The following NRP1 variants were observed in gnomAD, a reference collection of about 807,000 sequenced individuals.
NRP1 encodes the protein neuropilin-1.
In NRP1, 35 loss-of-function variants were observed where a neutral mutation model predicts 106.7. That is an observed-to-expected ratio of 0.33 (90% CI 0.25 to 0.43). The LOEUF is 0.43. Among genes scored for constraint, NRP1 ranks in the 20% least tolerant of loss-of-function variants. NRP1 has a pLI of 1.00. For missense variants in NRP1, 1,024 were observed against 1,170.4 expected, an observed-to-expected ratio of 0.87 and a Z score of 1.83; for synonymous variants, 437 against 417.9, an observed-to-expected ratio of 1.05 and a Z score of -0.56.
At chr10:33,293,996 C>T (rs1001123239) in intron 2 of NRP1, among the ~76,000 whole-genome samples, 2 of 152,230 alleles carry the variant, frequency 1.3e-5, no homozygotes, top group Non-Finnish European at 2.9e-5. Flanking sequence ...CTAAAATACA[C>T]TCTTCATTTT....
At chr10:33,192,910 C>A (rs1178186457) in intron 12 of NRP1, among the ~76,000 whole-genome samples, 1 of 152,182 alleles carries the variant, frequency 6.6e-6, no homozygotes, top group Admixed American at 6.5e-5. Flanking sequence ...ATTTCCACCT[C>A]ACCAGTTCAT....
intron 7 of NRP1, among the ~76,000 whole-genome samples, chr10:33,223,621 T>A (rs932356839): frequency 2.6e-5 from 4 of 152,150 alleles, no homozygotes; most frequent in African/African-American, 9.7e-5. Context: ...GAGCAAGACT[T>A]GGTCTCTATT....
At chr10:33,263,131 CA>C (rs1347926813) in intron 4 of NRP1, among the ~76,000 whole-genome samples, 1 of 152,200 alleles carries the variant, frequency 6.6e-6, no homozygotes, top group African/African-American at 2.4e-5. Flanking sequence ...TAGGAATGCC[CA>C]AACATTCTCG....
At chr10:33,200,601 A>C (rs1196025855) in intron 11 of NRP1, among the ~76,000 whole-genome samples, 2 of 152,220 alleles carry the variant, frequency 1.3e-5, no homozygotes, top group Non-Finnish European at 2.9e-5. Flanking sequence ...GGTTAAAGCA[A>C]TAACGCTCTT....
At chr10:33,267,084 C>G (rs1842976317) in intron 3 of NRP1, among the ~76,000 whole-genome samples, 2 of 152,190 alleles carry the variant, frequency 1.3e-5, no homozygotes, top group Non-Finnish European at 2.9e-5. Context: ...TCCCCTCTCT[C>G]TTGCTCCTGC....
intron 2 of NRP1, among the ~76,000 whole-genome samples, chr10:33,301,621 C>T (rs189660284): frequency 7.2e-4 from 109 of 152,136 alleles, no homozygotes; most frequent in Non-Finnish European, 1.1e-3. Context: ...GGGGCCAGTG[C>T]GCGTGACTCT....
chr10:33,274,119 G>A (rs1439015002), intron 2 of NRP1, among the ~76,000 whole-genome samples: 1 of 152,056 alleles, frequency 6.6e-6, no homozygotes, highest in Non-Finnish European at 1.5e-5. Flanking sequence ...TATTGCCAAG[G>A]AACTCAAAGA....
intron 16 of NRP1, among the ~76,000 whole-genome samples, chr10:33,182,482 C>T (rs564845262): frequency 3.3e-5 from 5 of 152,226 alleles, no homozygotes; most frequent in African/African-American, 9.6e-5. Context: ...AAGCAGGACC[C>T]GTCACCGAGG....
At chr10:33,248,792 C>T (rs1404314958) in intron 6 of NRP1, among the ~76,000 whole-genome samples, 1 of 152,178 alleles carries the variant, frequency 6.6e-6, no homozygotes, top group Non-Finnish European at 1.5e-5. Flanking sequence ...CTTTAGGTTT[C>T]CTTCTGTGTG....
Position 33,185,656 on chromosome 10 carries a change from A to C in NRP1, c.2403T>G (p.Asn801Lys). Residue 801 changes from asparagine to lysine, a missense_variant, in exon 15 of 17, where the codon AAT (asparagine) becomes AAG (lysine). Asn to Lys is a moderately conservative substitution (Grantham distance 94). Transcript: ENST00000374867. ...GGIAVDDISI[N>K]NHISQEDCAK... ...CACAATCTTCTTGTGAAATGTGGTT[A>C]TTAATACTAATGTCATCCACAGCAA... The C allele has an allele frequency of 6.2e-7, 1 of 1,614,034 alleles. No homozygotes were observed. The highest frequency in any genetic ancestry group is 8.5e-7 in the Non-Finnish European group (1 of 1,179,882).
At chr10:33,260,438 C>T (rs1277301055) in intron 4 of NRP1, among the ~76,000 whole-genome samples, 8 of 151,994 alleles carry the variant, frequency 5.3e-5, no homozygotes. Flanking sequence ...GAAATGTATT[C>T]CTGAAATGGT....
intron 13 of NRP1, among the ~76,000 whole-genome samples, chr10:33,186,841 T>A (rs1216119386): frequency 5.7e-4 from 1 of 1,764 alleles, no homozygotes. Flanking sequence ...TGAAAACTCC[T>A]GGCTCTTAGA....
intron 5 of NRP1, 91 bp downstream of exon 5, chr10:33,256,225 T>C (rs887820520): frequency 7.6e-7 from 1 of 1,316,298 alleles, no homozygotes; most frequent in African/African-American, 1.5e-5. Flanking sequence ...TCACAAAACA[T>C]TTCTTTAGTG....
At chr10:33,327,517 T>C (rs546845012) in intron 2 of NRP1, among the ~76,000 whole-genome samples, 2 of 152,272 alleles carry the variant, frequency 1.3e-5, no homozygotes, top group East Asian at 3.9e-4. Context: ...TGTGCCTAGT[T>C]TTGTGCCACC....
At chr10:33,205,210 C>T (rs1837671920) in intron 10 of NRP1, among the ~76,000 whole-genome samples, 1 of 152,310 alleles carries the variant, frequency 6.6e-6, no homozygotes, top group South Asian at 2.1e-4. Context: ...AAAAGCATTC[C>T]TTTTCACCAA....
chr10:33,290,882 T>C (rs1296087598), intron 2 of NRP1, among the ~76,000 whole-genome samples: 1 of 152,178 alleles, frequency 6.6e-6, no homozygotes, highest in East Asian at 1.9e-4. Flanking sequence ...CATTGTTAAA[T>C]GCAAGACGGC....
chr10:33,237,963 A>G (rs1840715834), intron 6 of NRP1, among the ~76,000 whole-genome samples: 1 of 152,288 alleles, frequency 6.6e-6, no homozygotes. Context: ...ACAAATGCAC[A>G]CAAACACTTT....
At chr10:33,185,838 C>T (rs1371970799) in intron 14 of NRP1, 114 bp from the exon 15 acceptor site, 6 of 912,870 alleles carry the variant, frequency 6.6e-6, no homozygotes, top group Admixed American at 4.1e-5. Context: ...TCAGATTCAG[C>T]GTAACACAGA....
intron 2 of NRP1, among the ~76,000 whole-genome samples, chr10:33,322,593 G>C (rs1406168601): frequency 6.6e-6 from 1 of 151,916 alleles, no homozygotes; most frequent in Non-Finnish European, 1.5e-5. Flanking sequence ...ATGTTGCTCA[G>C]GCTAGCCTTG....
Sources: allele counts gnomAD v4.1 joint callset (sites outside exome capture counted in the v4.1 genomes callset), GRCh38; gene constraint gnomAD v4.1.1; transcripts MANE v1.5; gene names NCBI Gene and HGNC (gene_info 2026-07-23, HGNC 2026-07-21).